Variants in CYP1A2 observed in about 807,000 individuals in gnomAD.
The protein encoded by CYP1A2 is cytochrome P450 1A2.
Under a neutral mutation model 34.7 loss-of-function variants are expected in CYP1A2, and 35 were observed. The observed-to-expected ratio is 1.01, with a 90% CI of 0.77 to 1.34. The LOEUF is 1.34. CYP1A2 is among the 40% of genes most tolerant of loss of function. The pLI, the probability that CYP1A2 is intolerant of heterozygous loss-of-function variation, is 0.00. For synonymous variants in CYP1A2, 288 were observed against 281.9 expected (o/e 1.02, Z -0.22); for missense variants, 675 against 675.8 (o/e 1.00, Z 0.01).
Position 74,750,045 on chromosome 15 carries a change from G to C in CYP1A2, c.307G>C (p.Asp103His). ...TIRQALVRQG[D>H]DFKGRPDLYT... ...CCGGCAGGCCCTGGTGCGGCAGGGC[G>C]ACGATTTCAAGGGCCGGCCTGACCT... Residue 103 changes from aspartate to histidine, a missense_variant, in exon 2 of 7, where the codon GAC (aspartate) becomes CAC (histidine). Coordinates refer to ENST00000343932, the MANE Select transcript of CYP1A2 (RefSeq NM_000761.5). 2 of 1,613,944 alleles carry C rather than the reference G, an allele frequency of 1.2e-6. No individual in the cohort carries two copies. The highest frequency in any genetic ancestry group is 4.5e-5 in the East Asian group (2 of 44,872).
In CYP1A2 at chr15:74,751,173, G is replaced by C. The variant is rs527553740; in HGVS notation, c.832-16G>C. On this transcript the variant is annotated splice_polypyrimidine_tract_variant and intron_variant, in intron 2 of 6. Coordinates refer to ENST00000343932, the MANE Select transcript of CYP1A2 (RefSeq NM_000761.5). ...TTGGAAGTGCCAGAGGTGCCCCTAA[G>C]CTTGTGCCCCCTCAGAACAGTGTCC... is the stretch of plus-strand genomic sequence containing the variant. The C allele has an allele frequency of 1.2e-6, 2 of 1,613,734 alleles. No homozygotes were observed. The highest frequency in any genetic ancestry group is 1.7e-6 in the Non-Finnish European group (2 of 1,179,798).
rs2063323809 is a variant in CYP1A2, at chr15:74,753,065, C to T, written c.1167-119C>T. On this transcript the variant is annotated intron_variant, in intron 5 of 6. Transcript: ENST00000343932. ...TACCTCTTCCCTGTTCCTCCCCTCC[C>T]CTCCCAGTGTAGGGATGGAGATGGC... 4.5e-6 allele frequency: 3 copies of T among 669,942 alleles called. No individual in the cohort carries two copies. The South Asian group carries it at 5.6e-5, about 13-fold the overall frequency. The allele number at this position is 669,942 out of a possible 1,614,324, so 41.5% of individuals were successfully genotyped here.
At position 74,749,790 on chromosome 15, in the gene CYP1A2, T is replaced by C; in HGVS notation, c.52T>C (p.Ser18Pro). The change falls in exon 2 of 7, where the codon TCT (serine) becomes CCT (proline). Residue 18 changes from serine to proline, a missense_variant. Physicochemically the swap from Ser to Pro is moderately conservative, Grantham distance 74. Transcript: ENST00000343932. ...PFSATELLLA[S>P]AIFCLVFWVL... ...CTCGGCCACAGAGCTTCTCCTGGCC[T>C]CTGCCATCTTCTGCCTGGTATTCTG... 1.3e-6 allele frequency: 2 copies of C among 1,573,964 alleles called. No homozygotes were observed. The highest frequency in any genetic ancestry group is 1.7e-6 in the Non-Finnish European group (2 of 1,156,842).
At chr15:74,751,900 C>T (rs1218073447) in intron 4 of CYP1A2, 46 bp downstream of exon 4, 1 of 1,593,830 alleles carries the variant, frequency 6.3e-7, no homozygotes, top group Admixed American at 1.7e-5. Flanking sequence ...GCCTTGAGAC[C>T]CAGGTTGTTT....
intron 1 of CYP1A2, 126 bp from the exon 2 acceptor site, chr15:74,749,604 C>A: frequency 3.9e-6 from 3 of 778,620 alleles, no homozygotes; most frequent in Non-Finnish European, 6.1e-6. Flanking sequence ...GGAGCTTAGT[C>A]TTTCTGGTAT....
At position 74,756,123 on chromosome 15, in the gene CYP1A2, T is replaced by G. The variant is rs1200241386; in HGVS notation, c.*1035T>G. 1 of 56,924 alleles carries G rather than the reference T, an allele frequency of 1.8e-5. No individual in the cohort carries two copies. The highest frequency in any genetic ancestry group is 3.3e-5 in the African/African-American group (1 of 30,176). The allele number at this position is 56,924 out of a possible 1,614,324, so 3.5% of individuals were successfully genotyped here. On this transcript the variant is annotated 3_prime_UTR_variant, in exon 7 of 7. Transcript: ENST00000343932. ...GAACCACCGCGCCCAGCCTTTTTGT[T>G]TTTTTTTTTTTTGAGACAGAGTCTT...
At chr15:74,752,841 T>C (rs1458855245) in intron 5 of CYP1A2, among the ~76,000 whole-genome samples, 1 of 146,002 alleles carries the variant, frequency 6.8e-6, no homozygotes, top group Non-Finnish European at 1.5e-5. Flanking sequence ...GGCTAGAAAT[T>C]CCCCGGGGCT....
intron 3 of CYP1A2, 92 bp downstream of exon 3, chr15:74,751,401 A>C: frequency 6.5e-7 from 1 of 1,527,970 alleles, no homozygotes. Flanking sequence ...TAACCCACCA[A>C]CCCTACACCA....
At position 74,754,771 on chromosome 15, in the gene CYP1A2, C is replaced by T; in HGVS notation, c.1254-20C>T. On this transcript the variant is annotated intron_variant, in intron 6 of 6. Transcript: ENST00000343932. ...GGCCTCTCCAGCCCTGAGGTCCCAT[C>T]TCCTCTGTTCCTCTTGCAGAGAGCT... is the stretch of plus-strand genomic sequence containing the variant. The T allele has an allele frequency of 6.3e-7, 1 of 1,599,140 alleles. No individual in the cohort carries two copies. Among genetic ancestry groups the T allele is most frequent in the South Asian group, 1.1e-5 (1 of 90,784 alleles).
At chr15:74,751,105 C>A in intron 2 of CYP1A2, 84 bp from the exon 3 acceptor site, 1 of 1,549,244 alleles carries the variant, frequency 6.5e-7, no homozygotes, top group Non-Finnish European at 8.7e-7. Flanking sequence ...ACCCAGCCAC[C>A]AGGTACAGGC....
rs767723757 is a variant in CYP1A2 at position 74,752,226 on chromosome 15, T to G, written c.1145T>G (p.Leu382Trp). 16 of 1,613,906 alleles carry G rather than the reference T, an allele frequency of 9.9e-6. No homozygotes were observed. The Admixed American group carries it at 1.2e-4, about 12-fold the overall frequency. ...ILETFRHSSFLPFTIPHSTTR... is the reference protein window; with the variant it reads ...ILETFRHSSFWPFTIPHSTTR... ...GAGACCTTCCGACACTCCTCCTTCT[T>G]GCCCTTCACCATCCCCCACAGGTGA... The change falls in exon 5 of 7, where the codon TTG (leucine) becomes TGG (tryptophan). Residue 382 changes from leucine (L) to tryptophan (W), a missense_variant. By Grantham distance (61) the Leu-to-Trp change is moderately conservative. Coordinates refer to ENST00000343932, the MANE Select transcript of CYP1A2 (RefSeq NM_000761.5).
In CYP1A2 at chr15:74,750,579, G is replaced by T; in HGVS notation, c.831+10G>T. Reference sequence around the variant, plus strand: ...TCAGGACTTTGACAAGGTGAGCCCGGGGTGCAGGTGGCAAGGGGCACCTTG... The same window carrying T: ...TCAGGACTTTGACAAGGTGAGCCCGTGGTGCAGGTGGCAAGGGGCACCTTG... On this transcript the variant is annotated intron_variant, in intron 2 of 6. Coordinates refer to ENST00000343932, the MANE Select transcript of CYP1A2 (RefSeq NM_000761.5). The T allele has an allele frequency of 6.2e-7, 1 of 1,609,608 alleles. No individual in the cohort carries two copies. Among genetic ancestry groups the T allele is most frequent in the South Asian group, 1.1e-5 (1 of 90,952 alleles).
At chr15:74,751,699 C>T in intron 3 of CYP1A2, 66 bp from the exon 4 acceptor site, 2 of 1,493,914 alleles carry the variant, frequency 1.3e-6, no homozygotes, top group Non-Finnish European at 1.9e-6. Flanking sequence ...ATAGCAGATA[C>T]TTGGGAAATG....
intron 4 of CYP1A2, 134 bp from the exon 5 acceptor site, chr15:74,751,990 A>G: frequency 4.6e-6 from 7 of 1,523,354 alleles, no homozygotes; most frequent in Non-Finnish European, 6.3e-6. Flanking sequence ...TGCCTAGAAG[A>G]TGTGGGAGGT....
chr15:74,753,789 G>C (rs2141740825), intron 6 of CYP1A2, among the ~76,000 whole-genome samples: 1 of 152,042 alleles, frequency 6.6e-6, no homozygotes, highest in East Asian at 1.9e-4. Context: ...GGTTCCCCCA[G>C]GATTCTACTG....
Position 74,755,189 on chromosome 15 carries a change from T to A in CYP1A2, c.*101T>A. ...TTCTTTTTTTAAAAAATAGCAGCTT[T>A]AGCCAAGTGCAGGGCCTGTAATCCC... On this transcript the variant is annotated 3_prime_UTR_variant, in exon 7 of 7. Coordinates refer to ENST00000343932, the MANE Select transcript of CYP1A2 (RefSeq NM_000761.5). 1 of 1,337,092 alleles carries A rather than the reference T, an allele frequency of 7.5e-7. No individual in the cohort carries two copies. Among genetic ancestry groups the A allele is most frequent in the Non-Finnish European group, 1.0e-6 (1 of 989,216 alleles). The allele number at this position is 1,337,092 out of a possible 1,614,324, so 82.8% of individuals were successfully genotyped here. A position where few individuals can be genotyped will look rare whatever the true frequency, so the allele number is the denominator to read the frequency against.
At chr15:74,750,757 G>A (rs1208080928) in intron 2 of CYP1A2, among the ~76,000 whole-genome samples, 188 bp downstream of exon 2, 7 of 152,086 alleles carry the variant, frequency 4.6e-5, no homozygotes, top group Non-Finnish European at 1.0e-4. Flanking sequence ...CCTCATCCTT[G>A]AAGCCCCCTT....
chr15:74,750,689 A>T (rs1272502745), intron 2 of CYP1A2, 120 bp downstream of exon 2: 1 of 795,134 alleles, frequency 1.3e-6, no homozygotes, highest in South Asian at 1.7e-5. Context: ...GGCTCTGGAC[A>T]CCTCAGACCA....
rs35407132 is a variant in CYP1A2, at chr15:74,749,960, C to G, written c.222C>G (p.Asp74Glu). The G allele has an allele frequency of 6.2e-7, 1 of 1,613,962 alleles. No individual in the cohort carries two copies. Among genetic ancestry groups the G allele is most frequent in the East Asian group, 2.2e-5 (1 of 44,882 alleles). Reference protein sequence around the residue: ...ALSRMSQRYGDVLQIRIGSTP... With the variant: ...ALSRMSQRYGEVLQIRIGSTP... ...CAAGGATGAGCCAGCGCTACGGGGA[C>G]GTCCTGCAGATCCGCATTGGCTCCA... Residue 74 changes from aspartate (D) to glutamate (E), a missense_variant, in exon 2 of 7, where the codon GAC (aspartate) becomes GAG (glutamate). By Grantham distance (45) the Asp-to-Glu change is conservative. Coordinates refer to ENST00000343932, the MANE Select transcript of CYP1A2 (RefSeq NM_000761.5).
Sources: gnomAD v4.1 joint callset for allele counts (sites outside exome capture counted in the v4.1 genomes callset) on GRCh38, gnomAD v4.1.1 for gene constraint, MANE v1.5 for transcripts, NCBI Gene and HGNC (gene_info 2026-07-23, HGNC 2026-07-21) for gene names.